Variants in FAM184B observed in about 807,000 individuals in gnomAD.
The protein encoded by FAM184B is family with sequence similarity 184 member B.
A neutral mutation model predicts 135.9 loss-of-function variants in FAM184B; 111 were observed. That is an observed-to-expected ratio of 0.82 (90% confidence interval 0.70 to 0.96). The LOEUF (loss-of-function observed/expected upper bound fraction) is 0.96, where lower values mean the gene tolerates loss of function less well. Among genes scored for constraint, FAM184B ranks in the 40% least tolerant of loss-of-function variants. The pLI, the probability that FAM184B is intolerant of heterozygous loss-of-function variation, is 0.00. For missense variants in FAM184B, 1,375 were observed against 1,323.9 expected, an observed-to-expected ratio of 1.04 and a Z score of -0.60; for synonymous variants, 552 against 524.8, an observed-to-expected ratio of 1.05 and a Z score of -0.71.
At chr4:17,749,963 A>G (rs947601706) in intron 1 of FAM184B, among the ~76,000 whole-genome samples, 10 of 152,188 alleles carry the variant, frequency 6.6e-5, no homozygotes, top group African/African-American at 2.4e-4. Context: ...ATAAAATTCC[A>G]TCATGTACCT....
intron 1 of FAM184B, among the ~76,000 whole-genome samples, chr4:17,729,209 T>C (rs1220092321): frequency 6.6e-6 from 1 of 152,212 alleles, no homozygotes; most frequent in African/African-American, 2.4e-5. Context: ...GAGGGGCGCC[T>C]GCCATTGCCC....
intron 1 of FAM184B, among the ~76,000 whole-genome samples, chr4:17,748,119 A>AAG (rs1553842369): frequency 1.1e-4 from 17 of 149,808 alleles, no homozygotes; most frequent in Middle Eastern, 3.4e-3. Context: ...AAAAAAAAAA[A>AAG]AAAAGAAAAG....
At chr4:17,749,413 C>A (rs1248514975) in intron 1 of FAM184B, among the ~76,000 whole-genome samples, 1 of 151,024 alleles carries the variant, frequency 6.6e-6, no homozygotes, top group African/African-American at 2.4e-5. Context: ...GAGATCTCAT[C>A]TCTATTAAAA....
Position 17,705,032 on chromosome 4 carries a change from A to T in FAM184B, c.1345T>A (p.Ser449Thr), listed in dbSNP as rs1717073886. The change falls in exon 5 of 18, where the codon TCC becomes ACC. Residue 449 changes from serine to threonine, a missense_variant. Coordinates refer to ENST00000265018, the MANE Select transcript of FAM184B (RefSeq NM_015688.2). ...HTVEIKSVRS[S>T]VEAERKKLQR... ...AGTTTCTTTCTTTCAGCCTCCACGG[A>T]CGAGCGAACGGATTTGATTTCCACG... The T allele has an allele frequency of 6.4e-7, 1 of 1,551,644 alleles. No individual in the cohort carries two copies. The highest frequency in any genetic ancestry group is 2.4e-5 in the East Asian group (1 of 40,940).
At chr4:17,770,551 C>A (rs576678300) in intron 1 of FAM184B, among the ~76,000 whole-genome samples, 41 of 152,234 alleles carry the variant, frequency 2.7e-4, no homozygotes, top group African/African-American at 9.6e-4. Flanking sequence ...GCAACCTCCG[C>A]CTCCCGGGTT....
chr4:17,763,893 CT>C (rs530520333), intron 1 of FAM184B, among the ~76,000 whole-genome samples: 11 of 151,556 alleles, frequency 7.3e-5, no homozygotes, highest in African/African-American at 2.4e-4. Context: ...GGCACACCTA[CT>C]TTTTTTTTGT....
At chr4:17,702,340 T>C (rs1717007177) in intron 5 of FAM184B, among the ~76,000 whole-genome samples, 2 of 152,156 alleles carry the variant, frequency 1.3e-5, no homozygotes, top group African/African-American at 2.4e-5. Flanking sequence ...AGTCAGTGTA[T>C]GCAAATGCTA....
intron 7 of FAM184B, among the ~76,000 whole-genome samples, chr4:17,682,297 C>T (rs1310822207): frequency 1.3e-5 from 2 of 152,056 alleles, no homozygotes; most frequent in Non-Finnish European, 2.9e-5. Flanking sequence ...TTTGAATCTA[C>T]GAGAATCAAG....
chr4:17,765,639 T>G (rs558651792), intron 1 of FAM184B, among the ~76,000 whole-genome samples: 4 of 152,244 alleles, frequency 2.6e-5, no homozygotes, highest in African/African-American at 9.6e-5. Flanking sequence ...ACCCTCTCTC[T>G]GCTGACACTG....
chr4:17,637,825 T>C (rs1317837117), intron 14 of FAM184B, among the ~76,000 whole-genome samples: 10 of 152,234 alleles, frequency 6.6e-5, no homozygotes, highest in African/African-American at 1.7e-4. Context: ...CCCCTCCCCC[T>C]GTTTCTTCTC....
intron 1 of FAM184B, among the ~76,000 whole-genome samples, chr4:17,763,875 G>C (rs1388283140): frequency 1.3e-5 from 2 of 152,144 alleles, no homozygotes; most frequent in Non-Finnish European, 2.9e-5. Flanking sequence ...GAAAGTGAAC[G>C]AAAACAAGGC....
At chr4:17,686,041 A>G (rs544565190) in intron 7 of FAM184B, among the ~76,000 whole-genome samples, 1 of 152,324 alleles carries the variant, frequency 6.6e-6, no homozygotes, top group South Asian at 2.1e-4. Flanking sequence ...AATCTCATCA[A>G]GAAGGATACC....
At chr4:17,721,603 G>A (rs1717532944) in intron 1 of FAM184B, among the ~76,000 whole-genome samples, 1 of 152,230 alleles carries the variant, frequency 6.6e-6, no homozygotes, top group East Asian at 1.9e-4. Context: ...CAGAGCCGAG[G>A]TGAAGGGCAT....
intron 16 of FAM184B, 33 bp from the exon 17 acceptor site, chr4:17,633,921 C>A: frequency 1.5e-6 from 2 of 1,350,840 alleles, no homozygotes; most frequent in South Asian, 1.7e-5. Flanking sequence ...TAGTGCAATG[C>A]AATGCAAAAA....
At chr4:17,726,081 G>A (rs901968773) in intron 1 of FAM184B, among the ~76,000 whole-genome samples, 3 of 151,844 alleles carry the variant, frequency 2.0e-5, no homozygotes, top group Admixed American at 6.6e-5. Flanking sequence ...CCGCCACCAC[G>A]CCCAGCTAAT....
intron 13 of FAM184B, among the ~76,000 whole-genome samples, chr4:17,641,075 A>C (rs911500975): frequency 6.6e-6 from 1 of 152,170 alleles, no homozygotes; most frequent in Non-Finnish European, 1.5e-5. Context: ...CCGGGACTGC[A>C]GGCATGCACC....
At chr4:17,741,730 C>A (rs1718039416) in intron 1 of FAM184B, among the ~76,000 whole-genome samples, 2 of 152,150 alleles carry the variant, frequency 1.3e-5, no homozygotes, top group African/African-American at 4.8e-5. Context: ...AAGTCCTAGG[C>A]AATATGGACT....
intron 1 of FAM184B, among the ~76,000 whole-genome samples, chr4:17,710,327 A>AAAACAAACAAAC (rs146569453): frequency 0.016 from 2,379 of 151,170 alleles, 28 homozygotes; most frequent in Non-Finnish European, 0.019. Flanking sequence ...CTCCATCACA[A>AAAACAAACAAAC]AAACAAACAA....
chr4:17,735,932 G>C (rs1397024752), intron 1 of FAM184B, among the ~76,000 whole-genome samples: 1 of 152,182 alleles, frequency 6.6e-6, no homozygotes, highest in Non-Finnish European at 1.5e-5. Context: ...AGTTGGCATA[G>C]TTGGTTTCCT....
Sources: gnomAD v4.1 joint callset for allele counts (sites outside exome capture counted in the v4.1 genomes callset) on GRCh38, gnomAD v4.1.1 for gene constraint, MANE v1.5 for transcripts, NCBI Gene and HGNC (gene_info 2026-07-23, HGNC 2026-07-21) for gene names.